The following COG1 variants were observed in gnomAD, a reference collection of about 807,000 sequenced individuals.
The protein encoded by COG1 is conserved oligomeric Golgi complex subunit 1.
COG1 carries 61 observed loss-of-function variants against 102.2 expected under a neutral mutation model. The ratio of observed to expected loss-of-function variants is 0.60; its 90% CI spans 0.49 to 0.74. The LOEUF is 0.74. Among genes scored for constraint, COG1 ranks in the 30% least tolerant of loss-of-function variants. The pLI is 0.00. For synonymous variants in COG1, 454 were observed against 493.6 expected (o/e 0.92, Z 1.06); for missense variants, 1,164 against 1,232.1 (o/e 0.94, Z 0.83).
chr17:73,207,387 G>A (rs1357909530), intron 13 of COG1, 131 bp downstream of exon 13: 2 of 891,244 alleles, frequency 2.2e-6, no homozygotes, highest in Admixed American at 4.0e-5. Context: ...GCTTTTAATG[G>A]CGGCGCAATA....
At chr17:73,199,587 T>G (rs1446126322) in intron 4 of COG1, among the ~76,000 whole-genome samples, 1 of 152,172 alleles carries the variant, frequency 6.6e-6, no homozygotes, top group African/African-American at 2.4e-5. Flanking sequence ...TTTATTTATT[T>G]TTTTGGAGAC....
At chr17:73,199,715 C>T (rs2061339232) in intron 4 of COG1, 150 bp from the exon 5 acceptor site, 5 of 834,412 alleles carry the variant, frequency 6.0e-6, no homozygotes, top group Non-Finnish European at 7.8e-6. Flanking sequence ...GCTGCAACTA[C>T]AGGTGTGCAC....
In COG1 at chr17:73,202,986, C is replaced by T; in HGVS notation, c.2074-14C>T. On this transcript the variant is annotated splice_polypyrimidine_tract_variant and intron_variant, in intron 7 of 13. Coordinates refer to ENST00000299886, the MANE Select transcript of COG1 (RefSeq NM_018714.3). ...TCTGAGTGGCTTGTATGGATATCTG[C>T]CTTTTATTACCAGGTTTTGATTCAT... The T allele has an allele frequency of 2.5e-6, 4 of 1,613,870 alleles. No homozygotes were observed. Among genetic ancestry groups the T allele is most frequent in the Non-Finnish European group, 2.5e-6 (3 of 1,179,840 alleles).
rs147429178 is a variant in COG1, at chr17:73,196,584, C to A, written c.393C>A (p.Ile131=). ...TACTCTTAGAAATTCCGGAGAAGAT[C>A]TGGAGCTCGATGGAAGCCTCTCAGT... ...IKLLLEIPEK[I]WSSMEASQCL... is the part of the protein sequence containing the mutation. Residue 131 remains isoleucine (I), a synonymous_variant, in exon 2 of 14, where the codon ATC becomes ATA. Coordinates refer to ENST00000299886, the MANE Select transcript of COG1 (RefSeq NM_018714.3). 3 of 1,614,098 alleles carry A rather than the reference C, an allele frequency of 1.9e-6. No homozygotes were observed. Among genetic ancestry groups the A allele is most frequent in the South Asian group, 2.2e-5 (2 of 91,090 alleles).
chr17:73,193,857 T>A (rs1041169087), intron 1 of COG1, among the ~76,000 whole-genome samples: 8 of 152,062 alleles, frequency 5.3e-5, no homozygotes, highest in African/African-American at 1.9e-4. Flanking sequence ...CCCAAATAGC[T>A]GTTCTACCCT....
chr17:73,201,714 G>C lies in COG1; in HGVS notation c.1887G>C (p.Lys629Asn), dbSNP rs774847295. The stretch of plus-strand genomic sequence containing the variant: ...TGGGAGAGCTGTGCCCCCATCTGAA[G>C]CAGTGCATCCTGGGAAAATCAGAGA... ...QSLGELCPHL[K>N]QCILGKSESS... The change falls in exon 7 of 14, where the codon AAG becomes AAC. Residue 629 changes from lysine to asparagine, a missense_variant. Coordinates refer to ENST00000299886, the MANE Select transcript of COG1 (RefSeq NM_018714.3). 3.1e-6 allele frequency: 5 copies of C among 1,614,100 alleles called. No homozygotes were observed. The highest frequency in any genetic ancestry group is 4.2e-6 in the Non-Finnish European group (5 of 1,180,042).
At chr17:73,197,839 G>A (rs2061331622) in intron 4 of COG1, among the ~76,000 whole-genome samples, 1 of 152,186 alleles carries the variant, frequency 6.6e-6, no homozygotes, top group Non-Finnish European at 1.5e-5. Flanking sequence ...TTGGGTGAGG[G>A]GGAGAGCTGC....
rs561536764 is a variant in COG1 at position 73,205,263 on chromosome 17, C to T, written c.2383-290C>T. 6.0e-5 allele frequency: 25 copies of T among 413,298 alleles called. 1 individual carries two copies. The East Asian group carries it at 1.3e-3, about 21-fold the overall frequency. The allele number at this position is 413,298 out of a possible 1,614,324, so 25.6% of individuals were successfully genotyped here. ...TTCTCTAATGAGCCTCCTCAAAACACTTCTCCTTCAGGCAAGGAGCCTTTT... is the reference window on the plus strand; with the variant it reads ...TTCTCTAATGAGCCTCCTCAAAACATTTCTCCTTCAGGCAAGGAGCCTTTT... On this transcript the variant is annotated intron_variant, in intron 9 of 13. Coordinates refer to ENST00000299886, the MANE Select transcript of COG1 (RefSeq NM_018714.3).
intron 5 of COG1, 139 bp downstream of exon 5, chr17:73,200,160 C>G (rs2061341104): frequency 1.9e-6 from 2 of 1,056,850 alleles, no homozygotes; most frequent in Non-Finnish European, 2.8e-6. Flanking sequence ...GCCTCTCACT[C>G]TGTGACCCAT....
In COG1 at chr17:73,202,051, T is replaced by A. The variant is rs2061349215; in HGVS notation, c.2073+151T>A. The A allele has an allele frequency of 3.2e-6, 3 of 924,670 alleles. No homozygotes were observed. The South Asian group carries it at 4.2e-5, about 13-fold the overall frequency. 57.3% of individuals were successfully genotyped at this position (924,670 alleles called of 1,614,324 possible). A position where few individuals can be genotyped will look rare whatever the true frequency, so the allele number is the denominator to read the frequency against. ...TCTGCCAGAAAGTTCAGTAAAAACTTTTTTGGCCGGGCGCGGTGGCTCATG... is the reference window on the plus strand; with the variant it reads ...TCTGCCAGAAAGTTCAGTAAAAACTATTTTGGCCGGGCGCGGTGGCTCATG... On this transcript the variant is annotated intron_variant, in intron 7 of 13. Transcript: ENST00000299886.
At chr17:73,202,326 G>A (rs919320234) in intron 7 of COG1, among the ~76,000 whole-genome samples, 6 of 136,790 alleles carry the variant, frequency 4.4e-5, no homozygotes, top group Non-Finnish European at 8.0e-5. Context: ...GCAACAGGGC[G>A]AGACTCCGTC....
chr17:73,200,625 A>G lies in COG1; in HGVS notation c.1130A>G (p.Lys377Arg), dbSNP rs2061342947. 6.2e-7 allele frequency: 1 copy of G among 1,614,230 alleles called. No individual in the cohort carries two copies. The highest frequency in any genetic ancestry group is 1.3e-5 in the African/African-American group (1 of 75,058). Reference sequence around the variant, plus strand: ...CTGCTCATGTACGTGAAGAGCATGAAGGGTCTCGCGGGAATCCGGGACGCC... The same window carrying G: ...CTGCTCATGTACGTGAAGAGCATGAGGGGTCTCGCGGGAATCCGGGACGCC... Reference protein sequence around the residue: ...TNLLMYVKSMKGLAGIRDAMW... With the variant: ...TNLLMYVKSMRGLAGIRDAMW... The change falls in exon 6 of 14, where the codon AAG becomes AGG. Residue 377 changes from lysine (K) to arginine (R), a missense_variant. Transcript: ENST00000299886.
At chr17:73,206,657 CCTTT>C (rs746626719) in intron 11 of COG1, 47 bp from the exon 12 acceptor site, 163 of 926,864 alleles carry the variant, frequency 1.8e-4, no homozygotes, top group Middle Eastern at 5.1e-4. Flanking sequence ...TTTTTTTTTG[CCTTT>C]CTTTTACCTG....
chr17:73,203,937 C>G (rs2061357618), intron 9 of COG1, 144 bp downstream of exon 9: 3 of 896,880 alleles, frequency 3.3e-6, no homozygotes, highest in Admixed American at 2.0e-5. Context: ...TAAAAATGCT[C>G]TATCTTAGGA....
intron 9 of COG1, 117 bp downstream of exon 9, chr17:73,203,910 C>G: frequency 1.7e-6 from 2 of 1,173,368 alleles, no homozygotes; most frequent in Non-Finnish European, 2.5e-6. Context: ...ATCACCCAGC[C>G]CAGGCATCGG....
chr17:73,196,279 G>A (rs1226773869), intron 1 of COG1, among the ~76,000 whole-genome samples: 4 of 152,246 alleles, frequency 2.6e-5, no homozygotes, highest in African/African-American at 9.6e-5. Context: ...CTCTTCGTGG[G>A]GCTGAGCAAA....
intron 13 of COG1, chr17:73,207,746 C>T: frequency 7.7e-7 from 1 of 1,291,468 alleles, no homozygotes; most frequent in Non-Finnish European, 1.0e-6. Flanking sequence ...CTGGGTATTT[C>T]TGAATTGTGC....
rs1358047372 is a variant in COG1, at chr17:73,207,948, G to A, written c.2806-366G>A. ...AGATGGTAGTTTAAAAAAAAAAAAA[G>A]CTCTTGCAAAAACCATCCAGTCCCT... On this transcript the variant is annotated intron_variant, in intron 13 of 13. Coordinates refer to ENST00000299886, the MANE Select transcript of COG1 (RefSeq NM_018714.3). 9 of 1,197,180 alleles carry A rather than the reference G, an allele frequency of 7.5e-6. No individual in the cohort carries two copies. The East Asian group carries it at 3.8e-4, about 51-fold the overall frequency. The allele number at this position is 1,197,180 out of a possible 1,614,324, so 74.2% of individuals were successfully genotyped here. A position where few individuals can be genotyped will look rare whatever the true frequency, so the allele number is the denominator to read the frequency against.
chr17:73,196,586 G>A lies in COG1; in HGVS notation c.395G>A (p.Trp132Ter), dbSNP rs1568294958. ...CTCTTAGAAATTCCGGAGAAGATCT[G>A]GAGCTCGATGGAAGCCTCTCAGTGT... ...KLLLEIPEKI[W>*]SSMEASQCLH... The change falls in exon 2 of 14, where the codon TGG becomes TAG. Residue 132 changes from tryptophan (W) to a stop codon, truncating the protein, a stop_gained. Coordinates refer to ENST00000299886, the MANE Select transcript of COG1 (RefSeq NM_018714.3). LOFTEE classifies it high-confidence loss of function. 1 of 1,614,190 alleles carries A rather than the reference G, an allele frequency of 6.2e-7. No individual in the cohort carries two copies. Among genetic ancestry groups the A allele is most frequent in the Non-Finnish European group, 8.5e-7 (1 of 1,180,038 alleles).
Sources: allele counts gnomAD v4.1 joint callset (sites outside exome capture counted in the v4.1 genomes callset), GRCh38; gene constraint gnomAD v4.1.1; transcripts MANE v1.5; gene names NCBI Gene and HGNC (gene_info 2026-07-23, HGNC 2026-07-21).